Variants in UST observed in about 807,000 individuals in gnomAD.
The protein encoded by UST is uronyl 2-sulfotransferase.
A neutral mutation model predicts 45.6 loss-of-function variants in UST; 21 were observed. That is an observed-to-expected ratio of 0.46 (90% confidence interval 0.33 to 0.66). The LOEUF (loss-of-function observed/expected upper bound fraction) is 0.66, where lower values mean the gene tolerates loss of function less well. Ranked by LOEUF, UST falls within the 30% of genes least tolerant of loss-of-function variation. UST has a pLI of 0.02. For missense variants in UST, 463 were observed against 512.4 expected, an observed-to-expected ratio of 0.90 and a Z score of 0.93; for synonymous variants, 215 against 200.6, an observed-to-expected ratio of 1.07 and a Z score of -0.61.
At chr6:149,068,900 C>T (rs1403753092) in intron 7 of UST, among the ~76,000 whole-genome samples, 1 of 152,190 alleles carries the variant, frequency 6.6e-6, no homozygotes, top group African/African-American at 2.4e-5. Context: ...GCTCTCCAAC[C>T]CAGACATCCT....
At chr6:148,906,549 T>C (rs904365492) in intron 2 of UST, among the ~76,000 whole-genome samples, 5 of 152,204 alleles carry the variant, frequency 3.3e-5, no homozygotes, top group African/African-American at 1.2e-4. Flanking sequence ...TGAGGAGAGA[T>C]GTTATTAGCT....
chr6:148,883,415 A>G (rs774690479), intron 1 of UST, among the ~76,000 whole-genome samples: 17 of 152,224 alleles, frequency 1.1e-4, no homozygotes, highest in Admixed American at 2.0e-4. Context: ...CATTCTTTTT[A>G]GGAGTTTTTA....
At chr6:148,849,644 C>T (rs1778067163) in intron 1 of UST, among the ~76,000 whole-genome samples, 1 of 152,068 alleles carries the variant, frequency 6.6e-6, no homozygotes, top group African/African-American at 2.4e-5. Context: ...TTTTACAGGG[C>T]AGCAGGAGAG....
chr6:148,871,989 T>G (rs565238070), intron 1 of UST, among the ~76,000 whole-genome samples: 1 of 152,260 alleles, frequency 6.6e-6, no homozygotes, highest in East Asian at 1.9e-4. Context: ...CCTCTGTAAG[T>G]TGAGGGGTGT....
At chr6:149,025,642 A>G (rs564625458) in intron 7 of UST, among the ~76,000 whole-genome samples, 94 of 152,322 alleles carry the variant, frequency 6.2e-4, no homozygotes, top group African/African-American at 2.2e-3. Context: ...ATGATCACAT[A>G]TGTCATCTTA....
At chr6:148,976,614 T>C (rs1781022133) in intron 5 of UST, among the ~76,000 whole-genome samples, 1 of 152,238 alleles carries the variant, frequency 6.6e-6, no homozygotes, top group Non-Finnish European at 1.5e-5. Flanking sequence ...TATGTGTCAG[T>C]AGGATAAGTT....
At chr6:148,758,346 T>C (rs1776136046) in intron 1 of UST, among the ~76,000 whole-genome samples, 1 of 152,226 alleles carries the variant, frequency 6.6e-6, no homozygotes, top group Non-Finnish European at 1.5e-5. Context: ...AAATGACACA[T>C]TTTTTGCACA....
At chr6:148,830,718 G>C (rs190658307) in intron 1 of UST, among the ~76,000 whole-genome samples, 41 of 152,302 alleles carry the variant, frequency 2.7e-4, no homozygotes, top group Admixed American at 2.1e-3. Flanking sequence ...AAAAGACACT[G>C]TTTTATGATT....
chr6:148,776,973 G>A (rs1582804686), intron 1 of UST, among the ~76,000 whole-genome samples: 2 of 152,292 alleles, frequency 1.3e-5, no homozygotes, highest in Non-Finnish European at 2.9e-5. Context: ...TCAAGTGGCT[G>A]GTCGTAGCAG....
At chr6:148,962,949 G>A (rs771855154) in intron 4 of UST, among the ~76,000 whole-genome samples, 63 of 152,358 alleles carry the variant, frequency 4.1e-4, no homozygotes, top group Middle Eastern at 3.4e-3. Context: ...ACAACTGAGA[G>A]GCACACACTC....
chr6:148,933,411 A>G (rs1031872360), intron 2 of UST, among the ~76,000 whole-genome samples: 2 of 152,132 alleles, frequency 1.3e-5, no homozygotes, highest in Non-Finnish European at 2.9e-5. Context: ...GGCTATATTT[A>G]TTTTTCTGTA....
At chr6:148,775,820 T>C (rs1238471585) in intron 1 of UST, among the ~76,000 whole-genome samples, 1 of 151,888 alleles carries the variant, frequency 6.6e-6, no homozygotes, top group Non-Finnish European at 1.5e-5. Flanking sequence ...TTAGTAGAGA[T>C]GGGGTTTCAC....
intron 1 of UST, among the ~76,000 whole-genome samples, chr6:148,823,319 T>A (rs115784730): frequency 0.017 from 2,589 of 152,288 alleles, 46 homozygotes; most frequent in African/African-American, 0.046. Flanking sequence ...ATTATAAAAG[T>A]TACCCTTGGG....
intron 7 of UST, among the ~76,000 whole-genome samples, chr6:149,072,114 T>A (rs1455361746): frequency 6.6e-6 from 1 of 152,208 alleles, no homozygotes; most frequent in African/African-American, 2.4e-5. Context: ...TGTAAAATGG[T>A]GCAAACACTG....
intron 1 of UST, among the ~76,000 whole-genome samples, chr6:148,806,409 T>C (rs1178529163): frequency 6.6e-6 from 1 of 152,034 alleles, no homozygotes; most frequent in Non-Finnish European, 1.5e-5. Flanking sequence ...TGCGATCTCA[T>C]CTCACTGCAA....
At chr6:149,072,222 C>G (rs1204970520) in intron 7 of UST, among the ~76,000 whole-genome samples, 2 of 152,300 alleles carry the variant, frequency 1.3e-5, no homozygotes, top group South Asian at 2.1e-4. Flanking sequence ...TAAGTGGAAA[C>G]AGGGACTCAG....
At chr6:148,985,181 G>A (rs1350955144) in intron 5 of UST, among the ~76,000 whole-genome samples, 1 of 152,206 alleles carries the variant, frequency 6.6e-6, no homozygotes, top group Non-Finnish European at 1.5e-5. Flanking sequence ...TGAATATGTG[G>A]AATTGGAAGT....
intron 2 of UST, among the ~76,000 whole-genome samples, chr6:148,922,062 T>C (rs1305857200): frequency 1.3e-5 from 2 of 152,196 alleles, no homozygotes; most frequent in African/African-American, 4.8e-5. Flanking sequence ...GGAAGAGAGA[T>C]AAAATGTACA....
intron 7 of UST, among the ~76,000 whole-genome samples, chr6:149,043,840 C>A (rs1776361395): frequency 6.6e-6 from 1 of 152,260 alleles, no homozygotes; most frequent in African/African-American, 2.4e-5. Flanking sequence ...TATAATAGGG[C>A]ATGTGCGTTG....
Sources: allele counts gnomAD v4.1 joint callset (sites outside exome capture counted in the v4.1 genomes callset), GRCh38; gene constraint gnomAD v4.1.1; transcripts MANE v1.5; gene names NCBI Gene and HGNC (gene_info 2026-07-23, HGNC 2026-07-21).